Variants in NPC1 observed in about 807,000 individuals in gnomAD.
NPC1 encodes Niemann-Pick C1 protein.
NPC1 carries 85 observed loss-of-function variants against 140.4 expected under a neutral mutation model. That is an observed-to-expected ratio of 0.61 (90% CI 0.51 to 0.72). NPC1 has a LOEUF of 0.72. NPC1 is among the 30% of genes least tolerant of loss of function. The probability of loss-of-function intolerance (pLI) is 0.00; values close to 1 mark genes in which losing one functional copy is unlikely to be tolerated. For missense variants in NPC1, 1,504 were observed against 1,623.8 expected, an observed-to-expected ratio of 0.93 and a Z score of 1.27; for synonymous variants, 656 against 624.8, an observed-to-expected ratio of 1.05 and a Z score of -0.74.
In NPC1 at chr18:23,545,017, G is replaced by A; in HGVS notation, c.1890C>T (p.Ile630=). 1 of 1,560,652 alleles carries A rather than the reference G, an allele frequency of 6.4e-7. No homozygotes were observed. The highest frequency in any genetic ancestry group is 8.7e-7 in the Non-Finnish European group (1 of 1,151,572). ...AGGCTAGGGAAATATATAGAAACATGATGGCATAGCTAATTACAACGGTGA... is the reference window on the plus strand; with the variant it reads ...AGGCTAGGGAAATATATAGAAACATAATGGCATAGCTAATTACAACGGTGA... ...DVFTVVISYA[I]MFLYISLALG... Residue 630 remains isoleucine (I), a synonymous_variant, in exon 12 of 25, where the codon ATC becomes ATT. Transcript: ENST00000269228.
At chr18:23,533,631 T>C (rs2058576758) in intron 23 of NPC1, 114 bp from the exon 24 acceptor site, 3 of 1,055,022 alleles carry the variant, frequency 2.8e-6, no homozygotes, top group Admixed American at 3.5e-5. Flanking sequence ...CCCAGCCTCC[T>C]GAGTAGCTGG....
intron 1 of NPC1, among the ~76,000 whole-genome samples, chr18:23,585,497 A>G (rs542641044): frequency 6.6e-6 from 1 of 152,306 alleles, no homozygotes; most frequent in South Asian, 2.1e-4. Flanking sequence ...AATGTGCACA[A>G]GGACACAATT....
chr18:23,520,375 A>G (rs945099783), downstream of NPC1: 6 of 1,352,948 alleles, frequency 4.4e-6, no homozygotes, highest in South Asian at 2.4e-5. Flanking sequence ...TGTTCTCACC[A>G]TGATCTTTGG....
At chr18:23,540,923 A>G in intron 16 of NPC1, 145 bp downstream of exon 16, 1 of 887,574 alleles carries the variant, frequency 1.1e-6, no homozygotes. Flanking sequence ...CATTTTATCT[A>G]CTGTTCCACA....
chr18:23,572,023 A>G, intron 3 of NPC1, 51 bp downstream of exon 3: 7 of 1,087,924 alleles, frequency 6.4e-6, no homozygotes, highest in Non-Finnish European at 9.9e-6. Context: ...GAGCATTACC[A>G]GTTCACAAGT....
downstream of NPC1, chr18:23,520,298 C>A (rs757079651): frequency 1.2e-6 from 2 of 1,613,624 alleles, no homozygotes; most frequent in South Asian, 1.1e-5. Context: ...CCAGCCCTAT[C>A]AGATCCCCAT....
intron 24 of NPC1, among the ~76,000 whole-genome samples, chr18:23,532,712 T>TTTTC (rs1555631353): frequency 5.9e-5 from 9 of 151,264 alleles, no homozygotes; most frequent in Non-Finnish European, 1.0e-4. Flanking sequence ...TTTTTTTTTT[T>TTTTC]CTTAAAAGGA....
chr18:23,571,161 AATT>A (rs984487673), intron 3 of NPC1, among the ~76,000 whole-genome samples: 12 of 152,266 alleles, frequency 7.9e-5, no homozygotes, highest in African/African-American at 2.2e-4. Context: ...CAAGTCTGGT[AATT>A]ATTGTTTTTC....
chr18:23,531,371 G>C (rs371642931), downstream of NPC1: 1 of 552,552 alleles, frequency 1.8e-6, no homozygotes, highest in Non-Finnish European at 2.8e-6. Context: ...GCTGTCTAAT[G>C]AAACTTCTAG....
chr18:23,515,495 C>G (rs1043502083), intron 3 of NPC1, among the ~76,000 whole-genome samples: 8 of 152,086 alleles, frequency 5.3e-5, no homozygotes, highest in African/African-American at 1.9e-4. Flanking sequence ...ATTCTCAGAG[C>G]GCACTGTAAG....
chr18:23,538,881 G>A (rs571146518), intron 19 of NPC1: 5 of 593,654 alleles, frequency 8.4e-6, no homozygotes, highest in Non-Finnish European at 1.5e-5. Flanking sequence ...TTTCATCTTA[G>A]GCATACTATG....
At chr18:23,563,987 G>GTTTTTTTTTTTT (rs71163619) in intron 4 of NPC1, among the ~76,000 whole-genome samples, 2 of 102,584 alleles carry the variant, frequency 1.9e-5, no homozygotes, top group Admixed American at 1.2e-4. Flanking sequence ...AGTAGTAAGA[G>GTTTTTTTTTTTT]TTTTTTTTTT....
At position 23,531,809 on chromosome 18, in the gene NPC1, A is replaced by G. The variant is rs1310747267; in HGVS notation, c.*393T>C. 2 of 1,511,752 alleles carry G rather than the reference A, an allele frequency of 1.3e-6. No homozygotes were observed. Among genetic ancestry groups the G allele is most frequent in the African/African-American group, 1.4e-5 (1 of 70,712 alleles). 93.6% of individuals were successfully genotyped at this position (1,511,752 alleles called of 1,614,324 possible). ...GTTATAAAGTGTATCTACAACCTCA[A>G]CTGTCACTAAAAATATGGTATAGAA... On this transcript the variant is annotated 3_prime_UTR_variant, in exon 25 of 25. Coordinates refer to ENST00000269228, the MANE Select transcript of NPC1 (RefSeq NM_000271.5).
intron 2 of NPC1, among the ~76,000 whole-genome samples, chr18:23,573,131 C>A (rs948465081): frequency 1.3e-5 from 2 of 152,188 alleles, no homozygotes; most frequent in Admixed American, 1.3e-4. Flanking sequence ...ATCTAGGAAT[C>A]AAAACCAGCT....
At chr18:23,530,146 GA>G (rs756163108), downstream of NPC1, 2 of 1,613,820 alleles carry the variant, frequency 1.2e-6, no homozygotes, top group Non-Finnish European at 1.7e-6. Context: ...TGCATTGCCA[GA>G]TTTTTACTTC....
At chr18:23,564,692 TTTC>T (rs1437063675) in intron 4 of NPC1, among the ~76,000 whole-genome samples, 2 of 152,222 alleles carry the variant, frequency 1.3e-5, no homozygotes, top group Non-Finnish European at 2.9e-5. Flanking sequence ...CAATTAATCT[TTTC>T]TTCTGTTATT....
chr18:23,543,530 G>C lies in NPC1; in HGVS notation c.2170C>G (p.Leu724Val). The change falls in exon 14 of 25, where the codon CTG (leucine) becomes GTG (valine). Residue 724 changes from leucine to valine, a missense_variant. Leu to Val is a conservative substitution (Grantham distance 32). Coordinates refer to ENST00000269228, the MANE Select transcript of NPC1 (RefSeq NM_000271.5). ...RLQGETLDQQ[L>V]GRVLGEVAPS... ...GCCACTTCTCCTAGGACCCTGCCCA[G>C]CTGCTGATCCAGGGTTTCCCCTTGA... 1 of 1,608,436 alleles carries C rather than the reference G, an allele frequency of 6.2e-7. No homozygotes were observed. The highest frequency in any genetic ancestry group is 2.2e-5 in the East Asian group (1 of 44,750).
At chr18:23,565,352 G>GT (rs1308731470) in intron 4 of NPC1, among the ~76,000 whole-genome samples, 7 of 152,038 alleles carry the variant, frequency 4.6e-5, no homozygotes, top group African/African-American at 1.4e-4. Context: ...TCTTTAGTGT[G>GT]TTTTTTCTGT....
Position 23,531,728 on chromosome 18 carries a change from A to T in NPC1, c.*474T>A. ...GAAATCACTTGCTGTTTTTTTATAT[A>T]AAAATGTGTACAAAGTTAATTTATT... On this transcript the variant is annotated 3_prime_UTR_variant, in exon 25 of 25. Coordinates refer to ENST00000269228, the MANE Select transcript of NPC1 (RefSeq NM_000271.5). 1.3e-6 allele frequency: 2 copies of T among 1,597,648 alleles called. No individual in the cohort carries two copies. The highest frequency in any genetic ancestry group is 1.4e-5 in the African/African-American group (1 of 73,906).
Sources: allele counts gnomAD v4.1 joint callset (sites outside exome capture counted in the v4.1 genomes callset), GRCh38; gene constraint gnomAD v4.1.1; transcripts MANE v1.5; gene names NCBI Gene and HGNC (gene_info 2026-07-23, HGNC 2026-07-21).